ZPBP: variants seen among roughly 807,000 people sequenced by gnomAD.
The protein encoded by ZPBP is zona pellucida binding protein, also known as zona pellucida-binding protein 1.
ZPBP carries 26 observed loss-of-function variants against 44.8 expected under a neutral mutation model. The observed-to-expected ratio is 0.58, with a 90% confidence interval of 0.43 to 0.81. ZPBP has a LOEUF of 0.81. ZPBP is among the 30% of genes least tolerant of loss of function. ZPBP has a pLI of 0.00. For synonymous variants in ZPBP, 174 were observed against 153.2 expected, an observed-to-expected ratio of 1.14 and a Z score of -1.00; for missense variants, 409 against 434.0, an observed-to-expected ratio of 0.94 and a Z score of 0.51.
chr7:50,010,962 A>T (rs1264015254), intron 6 of ZPBP, among the ~76,000 whole-genome samples: 3 of 151,874 alleles, frequency 2.0e-5, no homozygotes, highest in Admixed American at 1.3e-4. Flanking sequence ...CCGACTTCAA[A>T]CTATACTATG....
At chr7:49,852,417 G>C (rs1194293618) in intron 2 of ZPBP, among the ~76,000 whole-genome samples, 1 of 152,188 alleles carries the variant, frequency 6.6e-6, no homozygotes, top group South Asian at 2.1e-4. Flanking sequence ...CAAGGTGACC[G>C]GTGCTGTTTT....
chr7:49,908,406 A>G (rs146573479), intron 1 of ZPBP, among the ~76,000 whole-genome samples: 1 of 152,352 alleles, frequency 6.6e-6, no homozygotes, highest in East Asian at 1.9e-4. Context: ...GTAAAATGAG[A>G]CATATAATTA....
chr7:49,877,211 C>T (rs1284684466), intron 2 of ZPBP, among the ~76,000 whole-genome samples: 1 of 151,664 alleles, frequency 6.6e-6, no homozygotes, highest in African/African-American at 2.4e-5. Flanking sequence ...CCTGTAATCC[C>T]AGCACTTTGG....
intron 7 of ZPBP, among the ~76,000 whole-genome samples, chr7:49,977,556 C>G (rs1243757219): frequency 1.3e-5 from 2 of 152,088 alleles, no homozygotes; most frequent in African/African-American, 4.8e-5. Flanking sequence ...TAACCTGCAA[C>G]CTAATCATTT....
chr7:49,984,987 T>C (rs1201222229), intron 6 of ZPBP, among the ~76,000 whole-genome samples: 2 of 152,156 alleles, frequency 1.3e-5, no homozygotes, highest in African/African-American at 2.4e-5. Context: ...TTTCTCCAGG[T>C]ACTCTGGTTT....
chr7:49,937,970 A>G (rs1429035817), intron 7 of ZPBP, among the ~76,000 whole-genome samples: 1 of 152,170 alleles, frequency 6.6e-6, no homozygotes, highest in Non-Finnish European at 1.5e-5. Flanking sequence ...AGTTGACAAT[A>G]GGGTTGGTAC....
intron 2 of ZPBP, among the ~76,000 whole-genome samples, chr7:49,898,371 T>C (rs1792508060): frequency 6.6e-6 from 1 of 152,116 alleles, no homozygotes; most frequent in South Asian, 2.1e-4. Context: ...TCTTTCTTTA[T>C]TTAGATATGG....
chr7:50,065,901 G>A (rs1801479466), intron 3 of ZPBP, among the ~76,000 whole-genome samples: 1 of 151,030 alleles, frequency 6.6e-6, no homozygotes, highest in Admixed American at 6.6e-5. Context: ...TGTCTGTCCT[G>A]TAGACCAAAA....
At chr7:49,862,771 C>T (rs1161099399) in intron 2 of ZPBP, among the ~76,000 whole-genome samples, 3 of 147,544 alleles carry the variant, frequency 2.0e-5, no homozygotes, top group African/African-American at 7.6e-5. Context: ...TGTATTATGT[C>T]CATTAATTTT....
At chr7:49,857,381 T>C (rs141931147) in intron 2 of ZPBP, among the ~76,000 whole-genome samples, 2,316 of 152,342 alleles carry the variant, frequency 0.015, 58 homozygotes, top group African/African-American at 0.052. Context: ...TTTTTAAGCC[T>C]GAATATTCCA....
intron 1 of ZPBP, among the ~76,000 whole-genome samples, chr7:49,908,018 T>C (rs193218202): frequency 6.6e-6 from 1 of 152,214 alleles, no homozygotes; most frequent in East Asian, 1.9e-4. Context: ...ATGCAGATTT[T>C]CCCCACAAAA....
chr7:49,872,091 T>A (rs1302799627), intron 2 of ZPBP, among the ~76,000 whole-genome samples: 1 of 151,910 alleles, frequency 6.6e-6, no homozygotes, highest in East Asian at 1.9e-4. Context: ...TAAAGAACAG[T>A]ATACTATGAA....
chr7:50,003,943 TA>T (rs1375210900), intron 6 of ZPBP, among the ~76,000 whole-genome samples: 2 of 152,118 alleles, frequency 1.3e-5, no homozygotes, highest in Non-Finnish European at 2.9e-5. Context: ...CTTAATTACA[TA>T]AAAGAGAACA....
intron 1 of ZPBP, among the ~76,000 whole-genome samples, chr7:49,929,659 C>T (rs972111596): frequency 5.3e-5 from 8 of 152,214 alleles, no homozygotes; most frequent in Non-Finnish European, 1.2e-4. Flanking sequence ...TATTCTTTCT[C>T]ATGCATTTTA....
At chr7:49,870,590 G>A (rs988970872) in intron 2 of ZPBP, among the ~76,000 whole-genome samples, 4 of 152,128 alleles carry the variant, frequency 2.6e-5, no homozygotes, top group Admixed American at 6.5e-5. Context: ...CATGTCTTAC[G>A]AGTAGGATTT....
intron 7 of ZPBP, among the ~76,000 whole-genome samples, chr7:49,950,987 T>G (rs186577075): frequency 3.4e-4 from 52 of 151,834 alleles, no homozygotes; most frequent in Non-Finnish European, 6.2e-4. Context: ...ACCAAAACAA[T>G]GAAATGTGGA....
At chr7:49,935,996 G>T (rs1056458161), downstream of ZPBP, 28 of 152,054 alleles carry the variant, frequency 1.8e-4, no homozygotes, top group Admixed American at 1.5e-3. Flanking sequence ...AATTATTAAA[G>T]ATTTTAAATA....
intron 5 of ZPBP, among the ~76,000 whole-genome samples, chr7:50,023,850 AC>A (rs1799203900): frequency 6.6e-6 from 1 of 152,140 alleles, no homozygotes; most frequent in East Asian, 1.9e-4. Context: ...AATCACTTTA[AC>A]CAAAATGAAG....
At chr7:49,859,808 A>G (rs867053452) in intron 2 of ZPBP, among the ~76,000 whole-genome samples, 2,060 of 152,298 alleles carry the variant, frequency 0.014, 54 homozygotes, top group African/African-American at 0.047. Context: ...ACACACACAC[A>G]CACACACACA....
Sources: allele counts gnomAD v4.1 joint callset (sites outside exome capture counted in the v4.1 genomes callset), GRCh38; gene constraint gnomAD v4.1.1; transcripts MANE v1.5; gene names NCBI Gene and HGNC (gene_info 2026-07-23, HGNC 2026-07-21).